Variants in CENPC observed in about 807,000 individuals in gnomAD.
The protein encoded by CENPC is centromere protein C.
CENPC carries 63 observed loss-of-function variants against 112.1 expected under a neutral mutation model. The observed-to-expected ratio is 0.56, with a 90% CI of 0.46 to 0.69. The LOEUF is 0.69. CENPC is among the 30% of genes least tolerant of loss of function. CENPC has a pLI of 0.00. For missense variants in CENPC, 1,000 were observed against 1,103.8 expected, an observed-to-expected ratio of 0.91 and a Z score of 1.33; for synonymous variants, 333 against 367.6, an observed-to-expected ratio of 0.91 and a Z score of 1.08.
intron 4 of CENPC, among the ~76,000 whole-genome samples, chr4:67,537,805 T>C (rs995210959): frequency 2.0e-5 from 3 of 151,696 alleles, no homozygotes; most frequent in African/African-American, 7.3e-5. Flanking sequence ...GACAGATAGA[T>C]AGATAGAGAA....
chr4:67,513,983 CTTTG>C, intron 8 of CENPC, 87 bp downstream of exon 8: 1 of 1,262,702 alleles, frequency 7.9e-7, no homozygotes, highest in Non-Finnish European at 1.1e-6. Flanking sequence ...TTTAGGTTTA[CTTTG>C]CCTACTTGCC....
rs1166425604 is a variant in CENPC, at chr4:67,475,938, G to A, written c.2671-960C>T. On this transcript the variant is annotated intron_variant, in intron 17 of 18. Coordinates refer to ENST00000273853, the MANE Select transcript of CENPC (RefSeq NM_001812.4). Reference sequence around the variant, plus strand: ...GTGATACAGTCATGCACTGCCTAACGATGTTTCAGTCAACAGCAAACTGCC... The same window carrying A: ...GTGATACAGTCATGCACTGCCTAACAATGTTTCAGTCAACAGCAAACTGCC... 5.9e-5 allele frequency among the ~76,000 whole-genome samples: 9 copies of A among 152,228 alleles called. No individual in the cohort carries two copies. In the East Asian group the frequency reaches 1.2e-3, roughly 20 times the overall value.
At chr4:67,477,772 G>A (rs947353963) in intron 17 of CENPC, among the ~76,000 whole-genome samples, 1 of 152,006 alleles carries the variant, frequency 6.6e-6, no homozygotes, top group African/African-American at 2.4e-5. Flanking sequence ...ACCAGAGAAA[G>A]ATGAAAACCA....
At chr4:67,532,646 G>T (rs10014035) in intron 4 of CENPC, among the ~76,000 whole-genome samples, 1,711 of 151,882 alleles carry the variant, frequency 0.011, 36 homozygotes, top group African/African-American at 0.039. Context: ...CTATTGCGAG[G>T]ACAGAAAACC....
intron 4 of CENPC, among the ~76,000 whole-genome samples, chr4:67,539,068 T>C (rs1425010303): frequency 1.3e-5 from 2 of 152,176 alleles, no homozygotes; most frequent in Middle Eastern, 3.2e-3. Context: ...TTCATAAACA[T>C]AGATGCAAAC....
intron 18 of CENPC, among the ~76,000 whole-genome samples, chr4:67,473,063 CA>C (rs1415545620): frequency 6.6e-6 from 1 of 152,072 alleles, no homozygotes; most frequent in Non-Finnish European, 1.5e-5. Context: ...AATAAAATCT[CA>C]AAATTTTATT....
rs551486676 is a variant in CENPC at position 67,509,109 on chromosome 4, A to T, written c.1613-4T>A. On this transcript the variant is annotated splice_polypyrimidine_tract_variant and splice_region_variant and intron_variant, in intron 9 of 18. Coordinates refer to ENST00000273853, the MANE Select transcript of CENPC (RefSeq NM_001812.4). ...GAAGAATTGCTATAAACAGGACCTG[A>T]AGGATTCAATGATAACCTAAAGTTA... The T allele has an allele frequency of 6.3e-7, 1 of 1,597,026 alleles. No homozygotes were observed. The highest frequency in any genetic ancestry group is 1.1e-5 in the South Asian group (1 of 90,172).
chr4:67,507,055 C>T (rs1001793338), intron 10 of CENPC, 121 bp from the exon 11 acceptor site: 4 of 647,718 alleles, frequency 6.2e-6, no homozygotes, highest in African/African-American at 5.6e-5. Flanking sequence ...ATCAGATCAC[C>T]CTGTTCAGGT....
In CENPC at chr4:67,504,955, T is replaced by A. The variant is rs1577986574; in HGVS notation, c.2131+250A>T. On this transcript the variant is annotated intron_variant, in intron 12 of 18. Coordinates refer to ENST00000273853, the MANE Select transcript of CENPC (RefSeq NM_001812.4). Reference sequence around the variant, plus strand: ...TGCTTCATGTATACCCTTATTAGCTTAACAATTTTAAATACTGGAGTAGAC... The same window carrying A: ...TGCTTCATGTATACCCTTATTAGCTAAACAATTTTAAATACTGGAGTAGAC... The A allele has an allele frequency of 8.6e-6, 4 of 463,194 alleles. No homozygotes were observed. In the East Asian group the frequency reaches 1.6e-4, roughly 18 times the overall value. 28.7% of individuals were successfully genotyped at this position (463,194 alleles called of 1,614,324 possible).
intron 16 of CENPC, among the ~76,000 whole-genome samples, chr4:67,491,466 TATATATATATATATAGAGAG>T (rs1202264510): frequency 3.2e-3 from 199 of 61,234 alleles, no homozygotes; most frequent in African/African-American, 4.7e-3. Flanking sequence ...TATATATATA[TATATATATATATATAGAGAG>T]AGAGAGAGAG....
At chr4:67,494,209 C>G (rs1306596011) in intron 13 of CENPC, among the ~76,000 whole-genome samples, 6 of 152,200 alleles carry the variant, frequency 3.9e-5, no homozygotes, top group Non-Finnish European at 8.8e-5. Context: ...CCTAATAATA[C>G]TCAGCGTTGA....
chr4:67,484,962 G>A (rs537254604), intron 17 of CENPC, among the ~76,000 whole-genome samples: 12 of 152,178 alleles, frequency 7.9e-5, no homozygotes, highest in South Asian at 2.1e-4. Context: ...GCGTGGTGGC[G>A]GGCACCTATA....
intron 5 of CENPC, among the ~76,000 whole-genome samples, chr4:67,529,046 G>A (rs1356354920): frequency 6.6e-6 from 1 of 152,094 alleles, no homozygotes; most frequent in Non-Finnish European, 1.5e-5. Context: ...CTAGGGTCTT[G>A]ATTTGCATTC....
intron 1 of CENPC, among the ~76,000 whole-genome samples, chr4:67,544,888 C>T (rs116501529): frequency 0.012 from 1,899 of 152,224 alleles, 43 homozygotes; most frequent in African/African-American, 0.043. Context: ...CTCCCAACTA[C>T]CAAGTGTGAC....
chr4:67,514,039 T>TA, intron 8 of CENPC, 35 bp downstream of exon 8: 3 of 1,510,888 alleles, frequency 2.0e-6, no homozygotes, highest in Non-Finnish European at 2.6e-6. Context: ...ATGGGTAGAA[T>TA]AATGCTCATG....
intron 4 of CENPC, among the ~76,000 whole-genome samples, chr4:67,531,526 G>A (rs1726548531): frequency 6.6e-6 from 1 of 152,172 alleles, no homozygotes; most frequent in African/African-American, 2.4e-5. Context: ...TGCCTAGACT[G>A]TTTGTATAAA....
Position 67,541,050 on chromosome 4 carries a change from C to T in CENPC, c.66G>A (p.Arg22=). 6.2e-7 allele frequency: 1 copy of T among 1,600,526 alleles called. No homozygotes were observed. The highest frequency in any genetic ancestry group is 8.5e-7 in the Non-Finnish European group (1 of 1,173,130). ...GYRRRFCRPS[R]ARDINTEQGQ... ...CTTGCTCTGTGTTAATGTCACGTGCCCTAATAAAGGAAAAATACAGCCTGT... is the reference window on the plus strand; with the variant it reads ...CTTGCTCTGTGTTAATGTCACGTGCTCTAATAAAGGAAAAATACAGCCTGT... Residue 22 remains arginine (R), a splice_region_variant and synonymous_variant, in exon 3 of 19, where the codon AGG becomes AGA. Transcript: ENST00000273853.
intron 14 of CENPC, chr4:67,493,263 TA>T (rs769090878): frequency 0.03 from 4,539 of 153,314 alleles, no homozygotes; most frequent in South Asian, 0.052. Flanking sequence ...TGGAGGCTTT[TA>T]AAAAAAAAAA....
Position 67,492,961 on chromosome 4 carries a change from G to A in CENPC, c.2327C>T (p.Thr776Ile). The A allele has an allele frequency of 6.5e-7, 1 of 1,548,828 alleles. No homozygotes were observed. The highest frequency in any genetic ancestry group is 8.7e-7 in the Non-Finnish European group (1 of 1,146,930). The change falls in exon 15 of 19, where the codon ACA (threonine) becomes ATA (isoleucine). Residue 776 changes from threonine to isoleucine, a missense_variant. Physicochemically the swap from Thr to Ile is moderately conservative, Grantham distance 89. Coordinates refer to ENST00000273853, the MANE Select transcript of CENPC (RefSeq NM_001812.4). The part of the protein sequence containing the change: ...FVISGVLSPD[T>I]ISSKRKAKEN... ...TTTTGCCTTCCTTTTAGACGATATT[G>A]TGTCTGGAGATAGTACTCCACTAAT... is the stretch of plus-strand genomic sequence containing the variant.
Sources: allele counts gnomAD v4.1 joint callset (sites outside exome capture counted in the v4.1 genomes callset), GRCh38; gene constraint gnomAD v4.1.1; transcripts MANE v1.5; gene names NCBI Gene and HGNC (gene_info 2026-07-23, HGNC 2026-07-21).